Variants in RUNX2 observed in about 807,000 individuals in gnomAD.
RUNX2 encodes RUNX family transcription factor 2.
A neutral mutation model predicts 51.7 loss-of-function variants in RUNX2; 10 were observed. The ratio of observed to expected loss-of-function variants is 0.19; its 90% CI spans 0.12 to 0.33. RUNX2 has a LOEUF of 0.33. Among genes scored for constraint, RUNX2 ranks in the 10% least tolerant of loss-of-function variants. The pLI is 1.00. For missense variants in RUNX2, 562 were observed against 691.3 expected (o/e 0.81, Z 2.10); for synonymous variants, 276 against 273.6 (o/e 1.01, Z -0.09).
At chr6:45,452,580 A>C (rs1582127354) in intron 5 of RUNX2, among the ~76,000 whole-genome samples, 1 of 152,312 alleles carries the variant, frequency 6.6e-6, no homozygotes, top group Non-Finnish European at 1.5e-5. Context: ...ATAATTAATT[A>C]GTACACCTGC....
At chr6:45,506,867 GC>G (rs1002417981) in intron 6 of RUNX2, among the ~76,000 whole-genome samples, 27 of 151,998 alleles carry the variant, frequency 1.8e-4, no homozygotes, top group African/African-American at 6.3e-4. Flanking sequence ...TGTTACCCAG[GC>G]TGGTCTCCAA....
chr6:45,504,466 G>A (rs1800897364), intron 6 of RUNX2, among the ~76,000 whole-genome samples: 1 of 152,160 alleles, frequency 6.6e-6, no homozygotes, highest in Non-Finnish European at 1.5e-5. Flanking sequence ...CTCCAGTCTA[G>A]GGCTCTTCCT....
chr6:45,504,983 G>C (rs904625529), intron 6 of RUNX2, among the ~76,000 whole-genome samples: 20 of 152,144 alleles, frequency 1.3e-4, no homozygotes, highest in Non-Finnish European at 2.5e-4. Flanking sequence ...AGACAGCTTT[G>C]GCAGAATCAC....
chr6:45,542,871 G>A (rs1446959506), intron 7 of RUNX2, among the ~76,000 whole-genome samples: 2 of 152,144 alleles, frequency 1.3e-5, no homozygotes, highest in Non-Finnish European at 2.9e-5. Flanking sequence ...TTGTGATATT[G>A]AGTAAATGGC....
intron 5 of RUNX2, among the ~76,000 whole-genome samples, chr6:45,460,053 C>T (rs1041887012): frequency 4.6e-5 from 7 of 152,018 alleles, no homozygotes; most frequent in African/African-American, 1.7e-4. Context: ...GAGAATGGTG[C>T]GTGGAAGGCA....
intron 7 of RUNX2, among the ~76,000 whole-genome samples, chr6:45,522,732 C>T (rs1362352086): frequency 6.6e-5 from 10 of 152,196 alleles, no homozygotes; most frequent in South Asian, 6.2e-4. Flanking sequence ...ACTCCTACTC[C>T]GATGCTCAGC....
chr6:45,377,118 C>T (rs1193461555), intron 2 of RUNX2, among the ~76,000 whole-genome samples: 2 of 152,060 alleles, frequency 1.3e-5, no homozygotes, highest in Non-Finnish European at 2.9e-5. Flanking sequence ...ATTCTGAACT[C>T]CTAAAACGTG....
At chr6:45,402,670 C>T (rs746160516) in intron 2 of RUNX2, among the ~76,000 whole-genome samples, 14 of 152,134 alleles carry the variant, frequency 9.2e-5, no homozygotes, top group Middle Eastern at 3.4e-3. Context: ...AGTTCAAGAC[C>T]GGCCTGAGCT....
intron 7 of RUNX2, among the ~76,000 whole-genome samples, chr6:45,532,969 A>G (rs1801909704): frequency 6.7e-6 from 1 of 148,520 alleles, no homozygotes; most frequent in African/African-American, 2.5e-5. Flanking sequence ...ACCTTAATAC[A>G]TAATTAGGTG....
chr6:45,492,173 T>A, intron 6 of RUNX2, 59 bp downstream of exon 6: 1 of 1,552,142 alleles, frequency 6.4e-7, no homozygotes. Context: ...GGTGAGGGGC[T>A]ACCAGAGGAG....
chr6:45,512,261 A>G lies in RUNX2; in HGVS notation c.875A>G (p.Gln292Arg), dbSNP rs1801178559. 1 of 1,613,824 alleles carries G rather than the reference A, an allele frequency of 6.2e-7. No homozygotes were observed. Among genetic ancestry groups the G allele is most frequent in the Non-Finnish European group, 8.5e-7 (1 of 1,180,026 alleles). The change falls in exon 7 of 9, where the codon CAG (glutamine) becomes CGG (arginine). Residue 292 changes from glutamine (Q) to arginine (R), a missense_variant. Gln to Arg is a conservative substitution (Grantham distance 43, BLOSUM62 1). Around this residue, in one of 5 missense-constraint regions of RUNX2, gnomAD observed 304 missense variants for 353.2 expected, o/e 0.86. Transcript: ENST00000647337. ...TTTTTCCCAGACCCCAGGCAGGCAC[A>G]GTCTTCCCCGCCGTGGTCCTATGAC... Reference protein sequence around the residue: ...QSQITDPRQAQSSPPWSYDQS... With the variant: ...QSQITDPRQARSSPPWSYDQS...
intron 2 of RUNX2, among the ~76,000 whole-genome samples, chr6:45,364,672 A>G (rs1366520040): frequency 2.0e-5 from 3 of 152,176 alleles, no homozygotes; most frequent in Admixed American, 6.5e-5. Flanking sequence ...TGACTCTGCA[A>G]TTTCCCAAAG....
chr6:45,339,541 A>T (rs981969732), intron 2 of RUNX2, among the ~76,000 whole-genome samples: 4 of 152,140 alleles, frequency 2.6e-5, no homozygotes, highest in Non-Finnish European at 5.9e-5. Flanking sequence ...GTCAATGGTT[A>T]TGTGTTTAAC....
Position 45,485,697 on chromosome 6 carries a change from G to GTATATATATATATATATATATATA in RUNX2, c.686-6224_686-6223insTATATATATATATATATATATATA, listed in dbSNP as rs10677574. ...TATGTGTGTGTGTGTGTGTGTGTGT[G>GTATATATATATATATATATATATA]TATATATATATATATATATACACAT... On this transcript the variant is annotated intron_variant, in intron 5 of 8. Transcript: ENST00000647337. Among the ~76,000 whole-genome samples, 248 of 103,860 alleles carry GTATATATATATATATATATATATA rather than the reference G, an allele frequency of 2.4e-3. 1 individual carries two copies. The highest frequency in any genetic ancestry group is 7.3e-3 in the East Asian group (21 of 2,866). The allele number at this position is 103,860 out of a possible 152,430, so 68.1% of individuals were successfully genotyped here.
At chr6:45,367,117 A>G (rs1408941332) in intron 2 of RUNX2, among the ~76,000 whole-genome samples, 2 of 152,140 alleles carry the variant, frequency 1.3e-5, no homozygotes, top group African/African-American at 2.4e-5. Context: ...AGCTTTTGAG[A>G]AGGCGACAGG....
In RUNX2 at chr6:45,547,046, C is replaced by T. The variant is rs751887748; in HGVS notation, c.1307C>T (p.Pro436Leu). 25 of 1,614,006 alleles carry T rather than the reference C, an allele frequency of 1.5e-5. No individual in the cohort carries two copies. Among genetic ancestry groups the T allele is most frequent in the African/African-American group, 2.7e-5 (2 of 74,894 alleles). ...GGCTCTTCCCAAAGCCAGAGTGGAC[C>T]CTTCCAGACCAGCAGCACTCCATAT... ...YPGSSQSQSG[P>L]FQTSSTPYLY... is the part of the protein sequence containing the mutation. The change falls in exon 9 of 9, where the codon CCC becomes CTC. Residue 436 changes from proline (P) to leucine (L), a missense_variant. This residue lies in a region of RUNX2 where 304 missense variants were observed against 353.2 expected (regional missense o/e 0.86). Coordinates refer to ENST00000647337, the MANE Select transcript of RUNX2 (RefSeq NM_001024630.4).
rs1338264589 is a variant in RUNX2 at position 45,546,971 on chromosome 6, G to T, written c.1232G>T (p.Gly411Val). Residue 411 changes from glycine (G) to valine (V), a missense_variant, in exon 9 of 9, where the codon GGT (glycine) becomes GTT (valine). Physicochemically the swap from Gly to Val is moderately radical, Grantham distance 109 (BLOSUM62 -3). Transcript: ENST00000647337. ...TPPVTSGMSL[G>V]MSATTHYHTY... The stretch of plus-strand genomic sequence containing the variant: ...CCAGTCACCTCAGGCATGTCCCTCG[G>T]TATGTCCGCCACCACTCACTACCAC... 6.2e-7 allele frequency: 1 copy of T among 1,613,810 alleles called. No homozygotes were observed. Among genetic ancestry groups the T allele is most frequent in the Admixed American group, 1.7e-5 (1 of 59,994 alleles).
At chr6:45,402,736 G>A (rs1008554274) in intron 2 of RUNX2, among the ~76,000 whole-genome samples, 2 of 152,078 alleles carry the variant, frequency 1.3e-5, no homozygotes, top group South Asian at 2.1e-4. Context: ...GCCGGGCATG[G>A]TGACATGCTC....
At chr6:45,445,278 C>T (rs1350394928) in intron 5 of RUNX2, among the ~76,000 whole-genome samples, 1 of 152,148 alleles carries the variant, frequency 6.6e-6, no homozygotes, top group East Asian at 1.9e-4. Context: ...CCCGCCTCAG[C>T]TTCCCAAAAT....
Sources: gnomAD v4.1 joint callset for allele counts (sites outside exome capture counted in the v4.1 genomes callset) on GRCh38, gnomAD v4.1.1 for gene constraint, gnomAD v4.1.1 regional missense constraint, MANE v1.5 for transcripts, NCBI Gene and HGNC (gene_info 2026-07-23, HGNC 2026-07-21) for gene names.